Variants in PHF21A observed in about 807,000 individuals in gnomAD.
The protein encoded by PHF21A is PHD finger protein 21A, also known as BHC80a.
In PHF21A, 11 loss-of-function variants were observed where a neutral mutation model predicts 82.5. That is an observed-to-expected ratio of 0.13 (90% CI 0.08 to 0.22). The LOEUF is 0.22. PHF21A is among the 10% of genes least tolerant of loss of function. PHF21A has a pLI of 1.00. For synonymous variants in PHF21A, 297 were observed against 302.8 expected (o/e 0.98, Z 0.20); for missense variants, 579 against 837.8 (o/e 0.69, Z 3.81).
At chr11:45,934,727 GC>G in intron 18 of PHF21A, 1 of 324,022 alleles carries the variant, frequency 3.1e-6, no homozygotes, top group Non-Finnish European at 6.1e-6. Context: ...CAGGCCAGCA[GC>G]ATTTAGGAGG....
intron 6 of PHF21A, among the ~76,000 whole-genome samples, chr11:46,070,020 T>C (rs10838555): frequency 0.15 from 22,821 of 152,100 alleles, 3,503 homozygotes; most frequent in East Asian, 0.62. Flanking sequence ...TATTAAGTTA[T>C]TCAATAATTA....
At chr11:46,040,218 T>C (rs900372996) in intron 6 of PHF21A, among the ~76,000 whole-genome samples, 2 of 152,174 alleles carry the variant, frequency 1.3e-5, no homozygotes, top group African/African-American at 4.8e-5. Context: ...ACAAGTCACA[T>C]AGGAAACAGA....
intron 10 of PHF21A, among the ~76,000 whole-genome samples, chr11:45,958,447 T>TACACACAC (rs1201890167): frequency 1.4e-3 from 30 of 21,488 alleles, no homozygotes; most frequent in Non-Finnish European, 1.5e-3. Context: ...TATATATATA[T>TACACACAC]ATACACACAC....
chr11:46,101,771 G>A (rs2097098603), intron 1 of PHF21A, among the ~76,000 whole-genome samples: 1 of 151,742 alleles, frequency 6.6e-6, no homozygotes. Flanking sequence ...TAATAGCTGG[G>A]ACTACAGGCA....
intron 1 of PHF21A, among the ~76,000 whole-genome samples, chr11:46,104,050 T>C (rs1275096761): frequency 1.3e-5 from 2 of 152,254 alleles, no homozygotes; most frequent in Non-Finnish European, 2.9e-5. Context: ...CAATTAAATA[T>C]AGAAAGAAAA....
intron 6 of PHF21A, among the ~76,000 whole-genome samples, chr11:45,983,156 C>T (rs545902634): frequency 6.6e-6 from 1 of 152,258 alleles, no homozygotes; most frequent in South Asian, 2.1e-4. Context: ...GAACCAGAAT[C>T]AGGAGCGTGG....
intron 6 of PHF21A, among the ~76,000 whole-genome samples, chr11:46,030,102 A>G (rs530028099): frequency 6.6e-6 from 1 of 152,358 alleles, no homozygotes; most frequent in African/African-American, 2.4e-5. Context: ...CTTTGGACAA[A>G]GAATCAACGC....
At chr11:46,095,719 T>C (rs2096986132) in intron 1 of PHF21A, among the ~76,000 whole-genome samples, 1 of 152,112 alleles carries the variant, frequency 6.6e-6, no homozygotes, top group African/African-American at 2.4e-5. Flanking sequence ...TCTGAAACCC[T>C]TGCGATATGA....
chr11:46,078,606 C>T (rs2096755700), intron 5 of PHF21A, among the ~76,000 whole-genome samples: 1 of 152,040 alleles, frequency 6.6e-6, no homozygotes, highest in Non-Finnish European at 1.5e-5. Context: ...TAGAAAGTAA[C>T]ATAAGGTACT....
At chr11:45,981,264 T>TA (rs1038055174) in intron 6 of PHF21A, among the ~76,000 whole-genome samples, 4 of 151,898 alleles carry the variant, frequency 2.6e-5, no homozygotes, top group Non-Finnish European at 5.9e-5. Flanking sequence ...CACACACCTG[T>TA]AATCCCAGCT....
intron 6 of PHF21A, among the ~76,000 whole-genome samples, chr11:46,068,363 T>C (rs2139730278): frequency 6.6e-6 from 1 of 152,260 alleles, no homozygotes; most frequent in South Asian, 2.1e-4. Context: ...GGGAATGGAT[T>C]TTTTGAAAGC....
chr11:46,046,258 A>G (rs1263173385), intron 6 of PHF21A, among the ~76,000 whole-genome samples: 1 of 152,216 alleles, frequency 6.6e-6, no homozygotes, highest in Non-Finnish European at 1.5e-5. Flanking sequence ...TTAACTGTAC[A>G]CAGGACAGTG....
At chr11:46,101,277 T>C (rs2135734065) in intron 1 of PHF21A, among the ~76,000 whole-genome samples, 2 of 152,270 alleles carry the variant, frequency 1.3e-5, no homozygotes, top group Middle Eastern at 3.4e-3. Flanking sequence ...CAAATGAAAA[T>C]ATTATCCTAA....
intron 6 of PHF21A, among the ~76,000 whole-genome samples, chr11:46,022,700 G>A (rs1592117570): frequency 6.6e-6 from 1 of 152,246 alleles, no homozygotes; most frequent in East Asian, 1.9e-4. Context: ...GGGCTGAAGC[G>A]ATTCTCCTGC....
intron 7 of PHF21A, among the ~76,000 whole-genome samples, chr11:45,979,424 C>A (rs935357352): frequency 3.9e-5 from 6 of 152,172 alleles, no homozygotes; most frequent in Non-Finnish European, 8.8e-5. Flanking sequence ...AAGTCACAAA[C>A]TTTTAGAACA....
intron 7 of PHF21A, among the ~76,000 whole-genome samples, chr11:45,977,843 CTT>C (rs543050172): frequency 8.0e-5 from 11 of 136,820 alleles, no homozygotes; most frequent in Admixed American, 1.5e-4. Flanking sequence ...TCTTCTTCTT[CTT>C]TTTTTTTTTT....
intron 15 of PHF21A, among the ~76,000 whole-genome samples, chr11:45,941,292 G>A (rs1019276816): frequency 2.6e-5 from 4 of 151,976 alleles, no homozygotes; most frequent in African/African-American, 9.7e-5. Context: ...AGAGATGGGG[G>A]TCTCCCTTTA....
chr11:46,004,209 T>C (rs1451474863), intron 6 of PHF21A, among the ~76,000 whole-genome samples: 2 of 152,210 alleles, frequency 1.3e-5, no homozygotes, highest in Non-Finnish European at 2.9e-5. Context: ...GAATTATGCA[T>C]ACTGGTAAGA....
At chr11:46,112,547 T>C (rs1266987684) in intron 1 of PHF21A, among the ~76,000 whole-genome samples, 3 of 152,202 alleles carry the variant, frequency 2.0e-5, no homozygotes, top group Non-Finnish European at 4.4e-5. Context: ...AAATAAATTA[T>C]TAAAGACATT....
Sources: allele counts gnomAD v4.1 joint callset (sites outside exome capture counted in the v4.1 genomes callset), GRCh38; gene constraint gnomAD v4.1.1; transcripts MANE v1.5; gene names NCBI Gene and HGNC (gene_info 2026-07-23, HGNC 2026-07-21).